The following FHIT variants were observed in gnomAD, a reference collection of about 807,000 sequenced individuals.
FHIT encodes fragile histidine triad diadenosine triphosphatase.
In FHIT, 19 loss-of-function variants were observed where a neutral mutation model predicts 17.9. The observed-to-expected ratio is 1.06, with a 90% CI of 0.74 to 1.56. The LOEUF is 1.56. FHIT is among the 40% of genes most tolerant of loss of function. The pLI, the probability that FHIT is intolerant of heterozygous loss-of-function variation, is 0.00. For missense variants in FHIT, 248 were observed against 189.2 expected (o/e 1.31, Z -1.82); for synonymous variants, 81 against 69.7 (o/e 1.16, Z -0.81).
At chr3:61,212,256 A>G (rs1181118922) in intron 1 of FHIT, among the ~76,000 whole-genome samples, 1 of 152,190 alleles carries the variant, frequency 6.6e-6, no homozygotes, top group Non-Finnish European at 1.5e-5. Context: ...AACTTTGAAA[A>G]AAATTTAGAC....
chr3:61,091,865 G>A (rs2035493181), intron 2 of FHIT, among the ~76,000 whole-genome samples: 2 of 148,500 alleles, frequency 1.3e-5, no homozygotes, highest in Non-Finnish European at 3.0e-5. Context: ...GTTTGAGTCT[G>A]GGAGGTTGAG....
At chr3:59,790,693 C>G (rs1033557213) in intron 8 of FHIT, among the ~76,000 whole-genome samples, 1 of 152,068 alleles carries the variant, frequency 6.6e-6, no homozygotes, top group Admixed American at 6.6e-5. Flanking sequence ...TTTTTACGCA[C>G]TTAGGAAAAG....
intron 8 of FHIT, among the ~76,000 whole-genome samples, chr3:59,819,996 A>C (rs1172678879): frequency 6.6e-6 from 1 of 152,232 alleles, no homozygotes; most frequent in Admixed American, 6.5e-5. Flanking sequence ...TGCCAGAAGC[A>C]GAGGGCAAGC....
At chr3:60,423,964 G>A (rs1229142432) in intron 5 of FHIT, among the ~76,000 whole-genome samples, 2 of 152,150 alleles carry the variant, frequency 1.3e-5, no homozygotes, top group African/African-American at 4.8e-5. Context: ...AACAATTTAT[G>A]TTGTACTTCT....
At chr3:60,026,005 T>C (rs1233060546) in intron 5 of FHIT, among the ~76,000 whole-genome samples, 1 of 151,926 alleles carries the variant, frequency 6.6e-6, no homozygotes, top group African/African-American at 2.4e-5. Context: ...TCACTAAACC[T>C]CCAAGGCCTG....
At chr3:59,975,423 T>C (rs924901544) in intron 7 of FHIT, among the ~76,000 whole-genome samples, 1 of 152,104 alleles carries the variant, frequency 6.6e-6, no homozygotes, top group Non-Finnish European at 1.5e-5. Flanking sequence ...ATTATAAATA[T>C]ACTGTAAGAT....
intron 5 of FHIT, among the ~76,000 whole-genome samples, chr3:60,047,523 C>T (rs575201249): frequency 6.6e-6 from 1 of 152,288 alleles, no homozygotes; most frequent in Non-Finnish European, 1.5e-5. Context: ...CAGTCTTTAA[C>T]GTCTTATCTT....
At chr3:60,162,904 T>C (rs1376969842) in intron 5 of FHIT, among the ~76,000 whole-genome samples, 1 of 152,170 alleles carries the variant, frequency 6.6e-6, no homozygotes, top group Non-Finnish European at 1.5e-5. Flanking sequence ...TGATAGAATC[T>C]TTCCTATGAG....
chr3:60,846,791 AT>A (rs1553746626), intron 3 of FHIT, among the ~76,000 whole-genome samples: 5 of 151,830 alleles, frequency 3.3e-5, no homozygotes, highest in Non-Finnish European at 2.9e-5. Context: ...TAATGGATGT[AT>A]TTGTCATTGT....
chr3:60,323,753 C>T (rs1296756220), intron 5 of FHIT, among the ~76,000 whole-genome samples: 1 of 152,186 alleles, frequency 6.6e-6, no homozygotes, highest in Non-Finnish European at 1.5e-5. Flanking sequence ...AAACCAGTAT[C>T]ACTTGCCACA....
chr3:59,776,851 A>C (rs1239597663), intron 8 of FHIT, among the ~76,000 whole-genome samples: 2 of 152,198 alleles, frequency 1.3e-5, no homozygotes, highest in African/African-American at 4.8e-5. Context: ...AGGCACAAAC[A>C]GGTGACCTGG....
At chr3:60,559,941 C>T (rs1285901676) in intron 4 of FHIT, among the ~76,000 whole-genome samples, 1 of 152,156 alleles carries the variant, frequency 6.6e-6, no homozygotes, top group Non-Finnish European at 1.5e-5. Context: ...TTTACTTTTC[C>T]TGGCATGCCA....
chr3:60,732,559 T>A, intron 4 of FHIT: 1 of 632,638 alleles, frequency 1.6e-6, no homozygotes, highest in Non-Finnish European at 3.1e-6. Flanking sequence ...GAACCTCGTC[T>A]GCAAACAGCT....
intron 4 of FHIT, among the ~76,000 whole-genome samples, chr3:60,653,547 T>C (rs1217131521): frequency 5.3e-5 from 8 of 152,002 alleles, no homozygotes; most frequent in Admixed American, 5.2e-4. Flanking sequence ...GATTGCATGG[T>C]AAAATTCCCC....
intron 5 of FHIT, among the ~76,000 whole-genome samples, chr3:60,211,679 A>AT (rs1043993459): frequency 6.6e-6 from 1 of 152,178 alleles, no homozygotes; most frequent in African/African-American, 2.4e-5. Flanking sequence ...TGTACTGTGA[A>AT]TAAATCAAAG....
At chr3:59,866,725 G>A (rs1448637656) in intron 8 of FHIT, among the ~76,000 whole-genome samples, 3 of 152,146 alleles carry the variant, frequency 2.0e-5, no homozygotes, top group Non-Finnish European at 4.4e-5. Flanking sequence ...TATGTGGGGA[G>A]GGAGGAGATA....
At position 61,094,123 on chromosome 3, in the gene FHIT, A is replaced by AGTGTGTGTGTGT. The variant is rs146715486; in HGVS notation, c.-163-52036_-163-52025dup. Reference sequence around the variant, plus strand: ...ATATATACATGTATGAATGCAACCAAGTGTGTGTGTGTGTGTGTGTGTATT... The same window carrying AGTGTGTGTGTGT: ...ATATATACATGTATGAATGCAACCAAGTGTGTGTGTGTGTGTGTGTGTGTGTGTGTGTGTATT... On this transcript the variant is annotated intron_variant, in intron 2 of 9. Transcript: ENST00000492590. Among the ~76,000 whole-genome samples the AGTGTGTGTGTGT allele has an allele frequency of 4.7e-3, 709 of 150,268 alleles. 6 individuals carry two copies. The highest frequency in any genetic ancestry group is 0.017 in the African/African-American group (681 of 41,040).
intron 7 of FHIT, among the ~76,000 whole-genome samples, chr3:60,002,390 T>C (rs192120151): frequency 4.6e-5 from 7 of 152,238 alleles, no homozygotes; most frequent in Admixed American, 4.6e-4. Flanking sequence ...ATGTCTCAAC[T>C]TCCCTGATTT....
At chr3:60,311,790 C>T (rs190173150) in intron 5 of FHIT, among the ~76,000 whole-genome samples, 55 of 152,292 alleles carry the variant, frequency 3.6e-4, no homozygotes, top group African/African-American at 1.3e-3. Flanking sequence ...AACCAATAAA[C>T]ATGCCCTTTT....
Sources: gnomAD v4.1 joint callset for allele counts (sites outside exome capture counted in the v4.1 genomes callset) on GRCh38, gnomAD v4.1.1 for gene constraint, MANE v1.5 for transcripts, NCBI Gene and HGNC (gene_info 2026-07-23, HGNC 2026-07-21) for gene names.